PTPRD: variants seen among roughly 807,000 people sequenced by gnomAD.
PTPRD encodes the protein receptor-type tyrosine-protein phosphatase delta.
A neutral mutation model predicts 214.5 loss-of-function variants in PTPRD; 34 were observed. The ratio of observed to expected loss-of-function variants is 0.16; its 90% CI spans 0.12 to 0.21. The LOEUF (loss-of-function observed/expected upper bound fraction) is 0.21, where lower values mean the gene tolerates loss of function less well. Among genes scored for constraint, PTPRD ranks in the 10% least tolerant of loss-of-function variants. The probability of loss-of-function intolerance (pLI) is 1.00; values close to 1 mark genes in which losing one functional copy is unlikely to be tolerated. For synonymous variants in PTPRD, 1,128 were observed against 845.7 expected (o/e 1.33, Z -5.79); for missense variants, 2,545 against 2,398.7 (o/e 1.06, Z -1.27).
At chr9:9,887,361 C>G (rs964723701) in intron 5 of PTPRD, among the ~76,000 whole-genome samples, 4 of 152,090 alleles carry the variant, frequency 2.6e-5, no homozygotes, top group African/African-American at 7.2e-5. Context: ...AAGAGCTATT[C>G]TCTTCTCCTG....
chr9:9,949,026 TG>T (rs1329340693), intron 4 of PTPRD, among the ~76,000 whole-genome samples: 1 of 151,968 alleles, frequency 6.6e-6, no homozygotes. Flanking sequence ...GGATAAAGGG[TG>T]AAGAATACGA....
intron 33 of PTPRD, 38 bp downstream of exon 33, chr9:8,460,373 G>C (rs1294085647): frequency 6.2e-7 from 1 of 1,606,142 alleles, no homozygotes; most frequent in Non-Finnish European, 8.5e-7. Context: ...AAATAAGGCA[G>C]CCTCCAAAAT....
chr9:10,277,193 C>CATAAAACATAAACATAAAT (rs1169415026), intron 3 of PTPRD, among the ~76,000 whole-genome samples: 2 of 151,866 alleles, frequency 1.3e-5, no homozygotes, highest in African/African-American at 4.8e-5. Context: ...ACAACATAAA[C>CATAAAACATAAACATAAAT]ATAAAACATA....
At chr9:10,480,206 C>T (rs1485212629) in intron 2 of PTPRD, among the ~76,000 whole-genome samples, 1 of 152,178 alleles carries the variant, frequency 6.6e-6, no homozygotes, top group Non-Finnish European at 1.5e-5. Context: ...CTCGGCCCAA[C>T]TTGGTTTGTC....
chr9:10,426,803 G>A (rs1466397278), intron 2 of PTPRD, among the ~76,000 whole-genome samples: 1 of 152,066 alleles, frequency 6.6e-6, no homozygotes, highest in Non-Finnish European at 1.5e-5. Flanking sequence ...TAATACTGTA[G>A]CCAAAACGCA....
chr9:8,686,965 T>C (rs1012256911), intron 12 of PTPRD, among the ~76,000 whole-genome samples: 2 of 152,180 alleles, frequency 1.3e-5, no homozygotes, highest in East Asian at 1.9e-4. Context: ...GTGTAAGATA[T>C]GGTATTTCCC....
chr9:9,082,191 C>A (rs1225892771), intron 10 of PTPRD, among the ~76,000 whole-genome samples: 1 of 151,966 alleles, frequency 6.6e-6, no homozygotes, highest in Admixed American at 6.6e-5. Context: ...CAATGAACAT[C>A]GATGCAAAAA....
At chr9:9,198,660 G>GAGTT (rs1407662651) in intron 9 of PTPRD, among the ~76,000 whole-genome samples, 8 of 152,160 alleles carry the variant, frequency 5.3e-5, no homozygotes, top group African/African-American at 1.9e-4. Flanking sequence ...GCAAACTTAG[G>GAGTT]AGTTAGTTTT....
intron 9 of PTPRD, among the ~76,000 whole-genome samples, chr9:9,277,591 C>T (rs936905886): frequency 1.3e-5 from 2 of 151,272 alleles, no homozygotes; most frequent in Non-Finnish European, 3.0e-5. Context: ...ATTTATTATA[C>T]ACATCTATCT....
chr9:9,704,717 C>T (rs1008370052), intron 7 of PTPRD, among the ~76,000 whole-genome samples: 1 of 152,182 alleles, frequency 6.6e-6, no homozygotes. Context: ...CTACCTGAGA[C>T]CACTGTGATA....
chr9:8,325,939 A>T (rs1833241265), intron 44 of PTPRD, among the ~76,000 whole-genome samples: 1 of 152,142 alleles, frequency 6.6e-6, no homozygotes, highest in African/African-American at 2.4e-5. Context: ...GACTTTCCTG[A>T]AGTTGCTTAT....
Position 8,316,904 on chromosome 9 carries a change from A to ATAAC in PTPRD, c.*966_*969dup, listed in dbSNP as rs1205135461. 1 of 230,112 alleles carries ATAAC rather than the reference A, an allele frequency of 4.3e-6. No homozygotes were observed. The allele number at this position is 230,112 out of a possible 1,614,324, so 14.3% of individuals were successfully genotyped here. On this transcript the variant is annotated 3_prime_UTR_variant, in exon 46 of 46. Coordinates refer to ENST00000381196, the MANE Select transcript of PTPRD (RefSeq NM_002839.4). ...AAATCATGGAAGAACTGACTGACTGATAACTGTATCTATTTTTTGTGTGGA... is the reference window on the plus strand; with the variant it reads ...AAATCATGGAAGAACTGACTGACTGATAACTAACTGTATCTATTTTTTGTGTGGA...
intron 3 of PTPRD, among the ~76,000 whole-genome samples, chr9:10,310,479 C>T (rs967663363): frequency 4.0e-5 from 6 of 151,798 alleles, no homozygotes; most frequent in African/African-American, 1.5e-4. Context: ...ATATAAACCT[C>T]ATGCAGATAA....
At chr9:9,417,436 C>A (rs1322852458) in intron 8 of PTPRD, among the ~76,000 whole-genome samples, 2 of 152,092 alleles carry the variant, frequency 1.3e-5, no homozygotes, top group African/African-American at 4.8e-5. Context: ...TATTTTGGGT[C>A]TGTGCAAATC....
In PTPRD at chr9:8,832,410, C is replaced by CTTTTTTTTTTTTTTTTTT. The variant is rs5896262; in HGVS notation, c.-103-98482_-103-98465dup. On this transcript the variant is annotated intron_variant, in intron 11 of 45. Coordinates refer to ENST00000381196, the MANE Select transcript of PTPRD (RefSeq NM_002839.4). ...TAAAGCAAGGGGCAGCTAAAATCAT[C>CTTTTTTTTTTTTTTTTTT]TTTTTTTTTTTTTTTTTTTGTCAAA... Among the ~76,000 whole-genome samples the CTTTTTTTTTTTTTTTTTT allele has an allele frequency of 1.6e-5, 2 of 127,970 alleles. 1 individual carries two copies. The allele number at this position is 127,970 out of a possible 152,430, so 84.0% of individuals were successfully genotyped here.
At chr9:9,572,450 G>C (rs2086738845) in intron 8 of PTPRD, among the ~76,000 whole-genome samples, 1 of 150,834 alleles carries the variant, frequency 6.6e-6, no homozygotes, top group South Asian at 2.1e-4. Flanking sequence ...GTAATCTGTG[G>C]CAAGTACACA....
intron 21 of PTPRD, among the ~76,000 whole-genome samples, chr9:8,516,143 T>C (rs1224343053): frequency 6.6e-6 from 1 of 152,176 alleles, no homozygotes; most frequent in Non-Finnish European, 1.5e-5. Flanking sequence ...TAAAAAGCAA[T>C]CTCATAATAG....
At chr9:8,481,269 A>T (rs2096879710) in intron 30 of PTPRD, among the ~76,000 whole-genome samples, 4 of 151,296 alleles carry the variant, frequency 2.6e-5, no homozygotes, top group Non-Finnish European at 5.9e-5. Flanking sequence ...ATAATCTTTC[A>T]GAAATTCTTT....
Position 10,490,250 on chromosome 9 carries a change from A to C in PTPRD, c.-600+122148T>G, listed in dbSNP as rs566844391. Among the ~76,000 whole-genome samples, 3 of 152,342 alleles carry C rather than the reference A, an allele frequency of 2.0e-5. No homozygotes were observed. The East Asian group carries it at 5.8e-4, about 29-fold the overall frequency. On this transcript the variant is annotated intron_variant, in intron 2 of 45. Coordinates refer to ENST00000381196, the MANE Select transcript of PTPRD (RefSeq NM_002839.4). ...TTAGGGAACTAATGACATCCTTTAC[A>C]TACAATTGCAAAAGCAGTGTGTGAT...
Sources: gnomAD v4.1 joint callset for allele counts (sites outside exome capture counted in the v4.1 genomes callset) on GRCh38, gnomAD v4.1.1 for gene constraint, MANE v1.5 for transcripts, NCBI Gene and HGNC (gene_info 2026-07-23, HGNC 2026-07-21) for gene names.